CARS1: variants seen among roughly 807,000 people sequenced by gnomAD.
CARS1 encodes cysteinyl-tRNA synthetase 1.
In CARS1, 48 loss-of-function variants were observed where a neutral mutation model predicts 106.2. The ratio of observed to expected loss-of-function variants is 0.45; its 90% confidence interval spans 0.36 to 0.57. CARS1 has a LOEUF of 0.57. CARS1 is among the 20% of genes least tolerant of loss of function. The pLI is 0.00. For synonymous variants in CARS1, 409 were observed against 403.4 expected (o/e 1.01, Z -0.17); for missense variants, 968 against 1,057.2 (o/e 0.92, Z 1.17).
chr11:3,010,398 G>T (rs1190529281), intron 18 of CARS1, among the ~76,000 whole-genome samples: 1 of 152,276 alleles, frequency 6.6e-6, no homozygotes, highest in East Asian at 1.9e-4. Context: ...CCCCAGCGAT[G>T]CCGCTAAGTT....
At chr11:3,051,447 G>T (rs572114920) in intron 1 of CARS1, among the ~76,000 whole-genome samples, 1 of 152,176 alleles carries the variant, frequency 6.6e-6, no homozygotes, top group Non-Finnish European at 1.5e-5. Context: ...AGCTGGAGAT[G>T]AGATCAGGGA....
chr11:3,040,743 A>T lies in CARS1; in HGVS notation c.455+153T>A. 1 of 749,630 alleles carries T rather than the reference A, an allele frequency of 1.3e-6. No individual in the cohort carries two copies. The highest frequency in any genetic ancestry group is 1.8e-5 in the South Asian group (1 of 56,552). 46.4% of individuals were successfully genotyped at this position (749,630 alleles called of 1,614,324 possible). Reference sequence around the variant, plus strand: ...GCATTAAAATTTTCATCTTAAAAATAAGAGAAGAAATTCAGTCTTGATTCC... The same window carrying T: ...GCATTAAAATTTTCATCTTAAAAATTAGAGAAGAAATTCAGTCTTGATTCC... On this transcript the variant is annotated intron_variant, in intron 4 of 22. Transcript: ENST00000380525. The surrounding 1 kb of genome is among the most constrained non-coding windows in gnomAD (Gnocchi z 5.8).
In CARS1 at chr11:3,040,855, G is replaced by C; in HGVS notation, c.455+41C>G. On this transcript the variant is annotated intron_variant, in intron 4 of 22. Coordinates refer to ENST00000380525, the MANE Select transcript of CARS1 (RefSeq NM_001014437.3). This position sits in a 1 kb window ranked among gnomAD's most constrained non-coding sequence, Gnocchi z 5.8. The stretch of plus-strand genomic sequence containing the variant: ...ATCCCAATGGCTCTGACTTCTGCGT[G>C]CAACTGCAGAAGCTGCAGGGACACC... 1 of 1,600,842 alleles carries C rather than the reference G, an allele frequency of 6.2e-7. No homozygotes were observed. Among genetic ancestry groups the C allele is most frequent in the Non-Finnish European group, 8.5e-7 (1 of 1,171,712 alleles).
intron 17 of CARS1, 59 bp from the exon 18 acceptor site, chr11:3,012,335 GAAT>G (rs1420550298): frequency 6.2e-6 from 9 of 1,459,540 alleles, no homozygotes; most frequent in South Asian, 3.4e-5. Context: ...ATTCATAACA[GAAT>G]AATAGCTCAG....
intron 10 of CARS1, 36 bp downstream of exon 10, chr11:3,026,640 G>A: frequency 6.2e-7 from 1 of 1,608,390 alleles, no homozygotes; most frequent in East Asian, 2.2e-5. Context: ...GGGCCAGGAG[G>A]GAGAGCCCAC....
intron 10 of CARS1, among the ~76,000 whole-genome samples, chr11:3,025,996 T>TA (rs1378188469): frequency 6.6e-6 from 1 of 152,200 alleles, no homozygotes; most frequent in African/African-American, 2.4e-5. Flanking sequence ...TTTTGTTTCT[T>TA]AAAAAATAAC....
At position 3,049,137 on chromosome 11, in the gene CARS1, C is replaced by T. The variant is rs921778774; in HGVS notation, c.26-1136G>A. 2.6e-5 allele frequency among the ~76,000 whole-genome samples: 4 copies of T among 151,828 alleles called. No individual in the cohort carries two copies. In the South Asian group the frequency reaches 8.3e-4, roughly 32 times the overall value. On this transcript the variant is annotated intron_variant, in intron 1 of 22. Coordinates refer to ENST00000380525, the MANE Select transcript of CARS1 (RefSeq NM_001014437.3). ...TTTATTTATTTTTATTTTTTAGAGA[C>T]AGCGTCTGACTCTACTGCCCAGGCT...
chr11:3,017,764 C>T lies in CARS1; in HGVS notation c.1727+93G>A. On this transcript the variant is annotated intron_variant, in intron 15 of 22. Transcript: ENST00000380525. This position sits in a 1 kb window ranked among gnomAD's most constrained non-coding sequence, Gnocchi z 4.9. ...CGTACGACAGTGTCCCCAGCCCTTC[C>T]TCGACAGTCCAGGACACATGGTGGC... The T allele has an allele frequency of 1.2e-6, 1 of 838,146 alleles. No individual in the cohort carries two copies. The highest frequency in any genetic ancestry group is 2.0e-6 in the Non-Finnish European group (1 of 499,560). 51.9% of individuals were successfully genotyped at this position (838,146 alleles called of 1,614,324 possible).
chr11:3,007,431 T>A (rs1228794748), intron 18 of CARS1: 1 of 159,136 alleles, frequency 6.3e-6, no homozygotes, highest in African/African-American at 2.4e-5. Flanking sequence ...CCCAAGGACT[T>A]GGTTCCCAAA....
chr11:3,052,949 A>C lies in CARS1; in HGVS notation c.25+4394T>G, dbSNP rs774321907. On this transcript the variant is annotated intron_variant, in intron 1 of 22. Transcript: ENST00000380525. The surrounding 1 kb of genome is among the most constrained non-coding windows in gnomAD (Gnocchi z 4.6). Reference sequence around the variant, plus strand: ...TCTGCCCCCATGAGAAGGAATGTCCACCACCGGATGACCTTGCAGTTCAGT... The same window carrying C: ...TCTGCCCCCATGAGAAGGAATGTCCCCCACCGGATGACCTTGCAGTTCAGT... Among the ~76,000 whole-genome samples the C allele has an allele frequency of 2.0e-5, 3 of 152,244 alleles. No individual in the cohort carries two copies. Among genetic ancestry groups the C allele is most frequent in the African/African-American group, 4.8e-5 (2 of 41,460 alleles).
chr11:3,037,085 C>T lies in CARS1; in HGVS notation c.801+965G>A, dbSNP rs1853742356. Among the ~76,000 whole-genome samples, 1 of 152,076 alleles carries T rather than the reference C, an allele frequency of 6.6e-6. No homozygotes were observed. The highest frequency in any genetic ancestry group is 6.5e-5 in the Admixed American group (1 of 15,274). On this transcript the variant is annotated intron_variant, in intron 7 of 22. Transcript: ENST00000380525. This position sits in a 1 kb window ranked among gnomAD's most constrained non-coding sequence, Gnocchi z 5.9. The stretch of plus-strand genomic sequence containing the variant: ...CATTGTTGGTAAGAAGGAAACCTAA[C>T]TGCCCGTCCCAGGAGAACAGACAAA...
intron 7 of CARS1, among the ~76,000 whole-genome samples, chr11:3,036,773 C>T (rs781479241): frequency 2.0e-5 from 3 of 152,154 alleles, no homozygotes; most frequent in Non-Finnish European, 2.9e-5. Context: ...AAACAACCCA[C>T]GTGTCCACGG....
chr11:3,033,214 G>A (rs1466384073), intron 7 of CARS1, among the ~76,000 whole-genome samples: 4 of 151,846 alleles, frequency 2.6e-5, no homozygotes, highest in South Asian at 4.2e-4. Flanking sequence ...TTAACCACAC[G>A]GCCAACAGGT....
In CARS1 at chr11:3,018,634, A is replaced by G. The variant is rs1851275908; in HGVS notation, c.1511T>C (p.Leu504Ser). 6.2e-7 allele frequency: 1 copy of G among 1,614,176 alleles called. No homozygotes were observed. Among genetic ancestry groups the G allele is most frequent in the Non-Finnish European group, 8.5e-7 (1 of 1,180,028 alleles). ...LKNFITIKDA[L>S]KKHSARQLRL... ...CCAGTGTATACCTGAGTGCTTTTTC[A>G]AGGCATCTTTAATGGTGATGAAGTT... Residue 504 changes from leucine (L) to serine (S), a missense_variant, in exon 13 of 23, where the codon TTG (leucine) becomes TCG (serine). By Grantham distance (145) the Leu-to-Ser change is moderately radical. Coordinates refer to ENST00000380525, the MANE Select transcript of CARS1 (RefSeq NM_001014437.3).
At position 3,001,060 on chromosome 11, in the gene CARS1, G is replaced by C. The variant is rs1359038649; in HGVS notation, c.*54C>G. On this transcript the variant is annotated 3_prime_UTR_variant, in exon 23 of 23. Coordinates refer to ENST00000380525, the MANE Select transcript of CARS1 (RefSeq NM_001014437.3). ...AGGAGCGCTGGGACATTGTCACTGA[G>C]GCAGACAGCAGCCACTAGTCCACAA... 35 of 1,598,128 alleles carry C rather than the reference G, an allele frequency of 2.2e-5. No individual in the cohort carries two copies. Among genetic ancestry groups the C allele is most frequent in the Non-Finnish European group, 2.8e-5 (33 of 1,168,388 alleles).
In CARS1 at chr11:3,021,716, AAC is replaced by A. The variant is rs1259856446; in HGVS notation, c.1154-1386_1154-1385del. 6.6e-6 allele frequency among the ~76,000 whole-genome samples: 1 copy of A among 152,204 alleles called. No homozygotes were observed. The highest frequency in any genetic ancestry group is 2.4e-5 in the African/African-American group (1 of 41,446). ...ATACTGATTCCCAGATTAAAAAACA[AAC>A]ACACAAAAACACAAAAAACCTCTGC... is the stretch of plus-strand genomic sequence containing the variant. On this transcript the variant is annotated intron_variant, in intron 10 of 22. Transcript: ENST00000380525. This position sits in a 1 kb window ranked among gnomAD's most constrained non-coding sequence, Gnocchi z 5.3.
Position 3,007,225 on chromosome 11 carries a change from GCCAGGAGGAAGCATAGCACA to G in CARS1, c.2069-286_2069-267del, listed in dbSNP as rs1849967887. The stretch of plus-strand genomic sequence containing the variant: ...GGCTGTTCTGGGGGTGCAGGGCAGA[GCCAGGAGGAAGCATAGCACA>G]CTGGCCGCCGGAAGCAGTTCTTCCA... On this transcript the variant is annotated intron_variant, in intron 18 of 22. Coordinates refer to ENST00000380525, the MANE Select transcript of CARS1 (RefSeq NM_001014437.3). 1.1e-5 allele frequency: 6 copies of G among 533,944 alleles called. No individual in the cohort carries two copies. In the East Asian group the frequency reaches 1.9e-4, roughly 17 times the overall value. The allele number at this position is 533,944 out of a possible 1,614,324, so 33.1% of individuals were successfully genotyped here.
At position 3,003,122 on chromosome 11, in the gene CARS1, C is replaced by T. The variant is rs1297088356; in HGVS notation, c.2218-522G>A. ...CCAGCAGGCAGCACCCGGGCAGGGG[C>T]GAGGACAGTCTGATGCTGCAGGGAG... is the stretch of plus-strand genomic sequence containing the variant. On this transcript the variant is annotated intron_variant, in intron 20 of 22. Transcript: ENST00000380525. This position sits in a 1 kb window ranked among gnomAD's most constrained non-coding sequence, Gnocchi z 4.8. Among the ~76,000 whole-genome samples the T allele has an allele frequency of 1.3e-5, 2 of 152,156 alleles. No homozygotes were observed. The highest frequency in any genetic ancestry group is 4.8e-5 in the African/African-American group (2 of 41,432).
intron 21 of CARS1, 40 bp from the exon 22 acceptor site, chr11:3,002,093 G>A: frequency 7.4e-7 from 1 of 1,349,878 alleles, no homozygotes; most frequent in South Asian, 1.2e-5. Flanking sequence ...CCCCCGAGCA[G>A]CACCTGGGGC....
Sources: allele counts gnomAD v4.1 joint callset (sites outside exome capture counted in the v4.1 genomes callset), GRCh38; gene constraint gnomAD v4.1.1; non-coding constraint Gnocchi (gnomAD v3.1); transcripts MANE v1.5; gene names NCBI Gene and HGNC (gene_info 2026-07-23, HGNC 2026-07-21).